FOXC2: variants seen among roughly 807,000 people sequenced by gnomAD.
The protein encoded by FOXC2 is forkhead box C2, also known as forkhead box protein C2.
A neutral mutation model predicts 7.2 loss-of-function variants in FOXC2; 7 were observed. The observed-to-expected ratio is 0.97, with a 90% CI of 0.55 to 1.81. The LOEUF (loss-of-function observed/expected upper bound fraction) is 1.81. Ranked by LOEUF, FOXC2 falls within the 40% of genes most tolerant of loss-of-function variation. The probability of loss-of-function intolerance (pLI) is 0.00; values close to 1 mark genes in which losing one functional copy is unlikely to be tolerated. For missense variants in FOXC2, 846 were observed against 741.2 expected (o/e 1.14, Z -1.64); for synonymous variants, 436 against 350.4 (o/e 1.24, Z -2.73).
chr16:86,568,811 C>T lies in FOXC2; in HGVS notation c.1476C>T (p.Ala492=), dbSNP rs771886777. 4.3e-6 allele frequency: 7 copies of T among 1,612,970 alleles called. No homozygotes were observed. The Admixed American group carries it at 5.0e-5, about 12-fold the overall frequency. ...CGCCGCCTCTCTATCGCCACGCAGCCCCCTACTCCTACGACTGCACGAAAT... is the reference window on the plus strand; with the variant it reads ...CGCCGCCTCTCTATCGCCACGCAGCTCCCTACTCCTACGACTGCACGAAAT... The part of the protein sequence containing the change: ...RSTPPLYRHA[A]PYSYDCTKY The change falls in exon 1 of 1, where the codon GCC becomes GCT. Residue 492 remains alanine, a synonymous_variant. Coordinates refer to ENST00000649859, the MANE Select transcript of FOXC2 (RefSeq NM_005251.3). The surrounding 1 kb of genome is among the most constrained non-coding windows in gnomAD (Gnocchi z 5.2).
In FOXC2 at chr16:86,569,537, A is replaced by G. The variant is rs1325422125; in HGVS notation, c.*696A>G. ...ATAATTTATTTTTTTGTTGGTGGAT[A>G]AAGAAGTCAAGTATCTGATACTTTT... is the stretch of plus-strand genomic sequence containing the variant. On this transcript the variant is annotated 3_prime_UTR_variant, in exon 1 of 1. Transcript: ENST00000649859. 1.8e-5 allele frequency: 3 copies of G among 166,560 alleles called. No homozygotes were observed. Among genetic ancestry groups the G allele is most frequent in the Non-Finnish European group, 4.4e-5 (3 of 68,226 alleles). 10.3% of individuals were successfully genotyped at this position (166,560 alleles called of 1,614,324 possible). A position where few individuals can be genotyped will look rare whatever the true frequency, so the allele number is the denominator to read the frequency against.
Position 86,567,600 on chromosome 16 carries a change from C to T in FOXC2, c.265C>T (p.Pro89Ser), listed in dbSNP as rs1482270020. 2.9e-5 allele frequency: 47 copies of T among 1,614,004 alleles called. No individual in the cohort carries two copies. The highest frequency in any genetic ancestry group is 3.8e-5 in the Non-Finnish European group (45 of 1,180,012). Reference sequence around the variant, plus strand: ...CATCACCATGGCCATCCAGAACGCGCCCGAGAAGAAGATCACCTTGAACGG... The same window carrying T: ...CATCACCATGGCCATCCAGAACGCGTCCGAGAAGAAGATCACCTTGAACGG... ...ALITMAIQNA[P>S]EKKITLNGIY... The change falls in exon 1 of 1, where the codon CCC (proline) becomes TCC (serine). Residue 89 changes from proline to serine, a missense_variant. By Grantham distance (74) the Pro-to-Ser change is moderately conservative (BLOSUM62 -1). Around this residue, in one of 3 missense-constraint regions of FOXC2, gnomAD observed 154 missense variants for 134.2 expected, o/e 1.15. Coordinates refer to ENST00000649859, the MANE Select transcript of FOXC2 (RefSeq NM_005251.3).
rs752592638 is a variant in FOXC2, at chr16:86,568,318, G to A, written c.983G>A (p.Gly328Asp). Residue 328 changes from glycine (G) to aspartate (D), a missense_variant, in exon 1 of 1, where the codon GGC becomes GAC. Gly to Asp is a moderately conservative substitution (Grantham distance 94). Transcript: ENST00000649859. This position sits in a 1 kb window ranked among gnomAD's most constrained non-coding sequence, Gnocchi z 5.2. ...GGCCTGGAGGCCGGGGCCGCCGGGG[G>A]CTACCAGTGCAGCATGCGAGCGATG... ...AQGLEAGAAG[G>D]YQCSMRAMSL... 4.7e-6 allele frequency: 6 copies of A among 1,286,872 alleles called. No individual in the cohort carries two copies. The Admixed American group carries it at 1.9e-4, about 40-fold the overall frequency. 79.7% of individuals were successfully genotyped at this position (1,286,872 alleles called of 1,614,324 possible).
In FOXC2 at chr16:86,567,925, C is replaced by A. The variant is rs1039275268; in HGVS notation, c.590C>A (p.Thr197Asn). 3.2e-6 allele frequency: 5 copies of A among 1,568,180 alleles called. No individual in the cohort carries two copies. In the South Asian group the frequency reaches 3.5e-5, roughly 11 times the overall value. ...PPAASKGAPATPHLADAPKEA... is the reference protein window; with the variant it reads ...PPAASKGAPANPHLADAPKEA... Reference sequence around the variant, plus strand: ...GCGGCGTCCAAGGGCGCCCCGGCCACCCCCCACCTAGCGGACGCCCCCAAG... The same window carrying A: ...GCGGCGTCCAAGGGCGCCCCGGCCAACCCCCACCTAGCGGACGCCCCCAAG... The change falls in exon 1 of 1, where the codon ACC (threonine) becomes AAC (asparagine). Residue 197 changes from threonine (T) to asparagine (N), a missense_variant. By Grantham distance (65) the Thr-to-Asn change is moderately conservative. This residue lies in a region of FOXC2 where 640 missense variants were observed against 503.2 expected (regional missense o/e 1.27). Transcript: ENST00000649859.
In FOXC2 at chr16:86,567,994, C is replaced by T; in HGVS notation, c.659C>T (p.Pro220Leu). 3 of 1,498,828 alleles carry T rather than the reference C, an allele frequency of 2.0e-6. No individual in the cohort carries two copies. Among genetic ancestry groups the T allele is most frequent in the Non-Finnish European group, 1.8e-6 (2 of 1,137,626 alleles). The allele number at this position is 1,498,828 out of a possible 1,614,324, so 92.8% of individuals were successfully genotyped here. The change falls in exon 1 of 1, where the codon CCG becomes CTG. Residue 220 changes from proline to leucine, a missense_variant. Coordinates refer to ENST00000649859, the MANE Select transcript of FOXC2 (RefSeq NM_005251.3). ...KVVIKSEAAS[P>L]ALPVITKVET... is the part of the protein sequence containing the mutation. ...GTGATCAAGAGCGAGGCGGCGTCCC[C>T]GGCGCTGCCGGTCATCACCAAGGTG...
chr16:86,569,142 C>G lies in FOXC2; in HGVS notation c.*301C>G. 3 of 510,510 alleles carry G rather than the reference C, an allele frequency of 5.9e-6. No homozygotes were observed. Among genetic ancestry groups the G allele is most frequent in the African/African-American group, 1.9e-5 (1 of 51,722 alleles). 31.6% of individuals were successfully genotyped at this position (510,510 alleles called of 1,614,324 possible). On this transcript the variant is annotated 3_prime_UTR_variant, in exon 1 of 1. Coordinates refer to ENST00000649859, the MANE Select transcript of FOXC2 (RefSeq NM_005251.3). ...CCCCTACCAGGACGGCTGTGCTGTG[C>G]TCGACCTGAGCTTTCAAAAGTTAAG...
chr16:86,568,371 G>A lies in FOXC2; in HGVS notation c.1036G>A (p.Ala346Thr). 2 of 1,381,896 alleles carry A rather than the reference G, an allele frequency of 1.4e-6. No individual in the cohort carries two copies. The highest frequency in any genetic ancestry group is 3.1e-5 in the East Asian group (1 of 32,410). 85.6% of individuals were successfully genotyped at this position (1,381,896 alleles called of 1,614,324 possible). ...CCTGTACACCGGGGCCGAGCGGCCG[G>A]CGCACATGTGCGTCCCGCCCGCCCT... is the stretch of plus-strand genomic sequence containing the variant. ...MSLYTGAERP[A>T]HMCVPPALDE... is the part of the protein sequence containing the mutation. The change falls in exon 1 of 1, where the codon GCG becomes ACG. Residue 346 changes from alanine (A) to threonine (T), a missense_variant. Ala to Thr is a moderately conservative substitution (Grantham distance 58, BLOSUM62 0). This residue lies in a region of FOXC2 where 640 missense variants were observed against 503.2 expected (regional missense o/e 1.27). Coordinates refer to ENST00000649859, the MANE Select transcript of FOXC2 (RefSeq NM_005251.3). The surrounding 1 kb of genome is among the most constrained non-coding windows in gnomAD (Gnocchi z 5.2).
Position 86,568,647 on chromosome 16 carries a change from C to T in FOXC2, c.1312C>T (p.His438Tyr), listed in dbSNP as rs1324719876. 3 of 1,612,766 alleles carry T rather than the reference C, an allele frequency of 1.9e-6. No individual in the cohort carries two copies. Among genetic ancestry groups the T allele is most frequent in the Non-Finnish European group, 2.5e-6 (3 of 1,180,004 alleles). ...CGGGGACCTGAACCACCTCCCCGGC[C>T]ACACGTTCGCGGCCCAGCAGCAAAC... is the stretch of plus-strand genomic sequence containing the variant. ...HSGDLNHLPG[H>Y]TFAAQQQTFP... The change falls in exon 1 of 1, where the codon CAC becomes TAC. Residue 438 changes from histidine to tyrosine, a missense_variant. His to Tyr is a moderately conservative substitution (Grantham distance 83). Coordinates refer to ENST00000649859, the MANE Select transcript of FOXC2 (RefSeq NM_005251.3). The surrounding 1 kb of genome is among the most constrained non-coding windows in gnomAD (Gnocchi z 5.2).
Position 86,568,339 on chromosome 16 carries a change from C to T in FOXC2, c.1004C>T (p.Ala335Val). 2.3e-6 allele frequency: 3 copies of T among 1,333,134 alleles called. No individual in the cohort carries two copies. Among genetic ancestry groups the T allele is most frequent in the South Asian group, 1.9e-5 (1 of 52,348 alleles). The allele number at this position is 1,333,134 out of a possible 1,614,324, so 82.6% of individuals were successfully genotyped here. Reference protein sequence around the residue: ...AAGGYQCSMRAMSLYTGAERP... With the variant: ...AAGGYQCSMRVMSLYTGAERP... ...GGGGGCTACCAGTGCAGCATGCGAG[C>T]GATGAGCCTGTACACCGGGGCCGAG... Residue 335 changes from alanine (A) to valine (V), a missense_variant, in exon 1 of 1, where the codon GCG becomes GTG. Ala to Val is a moderately conservative substitution (Grantham distance 64). This residue lies in a region of FOXC2 where 640 missense variants were observed against 503.2 expected (regional missense o/e 1.27). Transcript: ENST00000649859. The surrounding 1 kb of genome is among the most constrained non-coding windows in gnomAD (Gnocchi z 5.2).
Position 86,567,797 on chromosome 16 carries a change from C to T in FOXC2, c.462C>T (p.Asn154=). 1.9e-6 allele frequency: 3 copies of T among 1,614,092 alleles called. No homozygotes were observed. Among genetic ancestry groups the T allele is most frequent in the East Asian group, 4.5e-5 (2 of 44,850 alleles). ...SYWTLDPDSY[N]MFENGSFLRR... is the part of the protein sequence containing the mutation. ...GGACCCTGGACCCGGACTCCTACAA[C>T]ATGTTCGAGAACGGCAGCTTCCTGC... The change falls in exon 1 of 1, where the codon AAC becomes AAT. Residue 154 remains asparagine (N), a synonymous_variant. Coordinates refer to ENST00000649859, the MANE Select transcript of FOXC2 (RefSeq NM_005251.3).
Position 86,568,383 on chromosome 16 carries a change from G to A in FOXC2, c.1048G>A (p.Val350Ile), listed in dbSNP as rs1193581033. 1.4e-6 allele frequency: 2 copies of A among 1,386,494 alleles called. No homozygotes were observed. Among genetic ancestry groups the A allele is most frequent in the Middle Eastern group, 2.4e-4 (1 of 4,238 alleles). 85.9% of individuals were successfully genotyped at this position (1,386,494 alleles called of 1,614,324 possible). The change falls in exon 1 of 1, where the codon GTC becomes ATC. Residue 350 changes from valine to isoleucine, a missense_variant. Coordinates refer to ENST00000649859, the MANE Select transcript of FOXC2 (RefSeq NM_005251.3). This position sits in a 1 kb window ranked among gnomAD's most constrained non-coding sequence, Gnocchi z 5.2. ...TGAERPAHMC[V>I]PPALDEALSD... Reference sequence around the variant, plus strand: ...GGCCGAGCGGCCGGCGCACATGTGCGTCCCGCCCGCCCTGGACGAGGCCCT... The same window carrying A: ...GGCCGAGCGGCCGGCGCACATGTGCATCCCGCCCGCCCTGGACGAGGCCCT...
chr16:86,568,897 C>A lies in FOXC2; in HGVS notation c.*56C>A, dbSNP rs1974243708. On this transcript the variant is annotated 3_prime_UTR_variant, in exon 1 of 1. Coordinates refer to ENST00000649859, the MANE Select transcript of FOXC2 (RefSeq NM_005251.3). This position sits in a 1 kb window ranked among gnomAD's most constrained non-coding sequence, Gnocchi z 5.2. ...CTCCGGCTTCGCTTCCCAGCCCCGA[C>A]CCAACCAGACAATTAAGGGGCTGCA... is the stretch of plus-strand genomic sequence containing the variant. 2.5e-6 allele frequency: 4 copies of A among 1,603,622 alleles called. No individual in the cohort carries two copies. The highest frequency in any genetic ancestry group is 3.4e-6 in the Non-Finnish European group (4 of 1,174,072).
Position 86,569,038 on chromosome 16 carries a change from G to C in FOXC2, c.*197G>C. 1.5e-6 allele frequency: 1 copy of C among 689,196 alleles called. No homozygotes were observed. Among genetic ancestry groups the C allele is most frequent in the Non-Finnish European group, 2.5e-6 (1 of 402,510 alleles). 42.7% of individuals were successfully genotyped at this position (689,196 alleles called of 1,614,324 possible). A position where few individuals can be genotyped will look rare whatever the true frequency, so the allele number is the denominator to read the frequency against. ...AGAGCGCAGGTAACTTTAATTCGCC[G>C]CCCCGTTTCTGGGATCCCAGGAAAC... On this transcript the variant is annotated 3_prime_UTR_variant, in exon 1 of 1. Coordinates refer to ENST00000649859, the MANE Select transcript of FOXC2 (RefSeq NM_005251.3).
Position 86,569,269 on chromosome 16 carries a change from T to C in FOXC2, c.*428T>C, listed in dbSNP as rs1266774386. The C allele has an allele frequency of 9.8e-6, 2 of 204,012 alleles. No homozygotes were observed. The highest frequency in any genetic ancestry group is 4.7e-5 in the African/African-American group (2 of 42,864). 12.6% of individuals were successfully genotyped at this position (204,012 alleles called of 1,614,324 possible). On this transcript the variant is annotated 3_prime_UTR_variant, in exon 1 of 1. Transcript: ENST00000649859. ...ATAATATATGTGCTGTGTGTAATTT[T>C]AAATTTCTCCAACCGTGCTGTACAA...
In FOXC2 at chr16:86,568,298, G is replaced by T; in HGVS notation, c.963G>T (p.Leu321=). ...AAYGQPCAQG[L]EAGAAGGYQC... Reference sequence around the variant, plus strand: ...ACGGCCAGCCGTGCGCTCAGGGCCTGGAGGCCGGGGCCGCCGGGGGCTACC... The same window carrying T: ...ACGGCCAGCCGTGCGCTCAGGGCCTTGAGGCCGGGGCCGCCGGGGGCTACC... Residue 321 remains leucine, a synonymous_variant, in exon 1 of 1, where the codon CTG becomes CTT. Transcript: ENST00000649859. The surrounding 1 kb of genome is among the most constrained non-coding windows in gnomAD (Gnocchi z 5.2). The T allele has an allele frequency of 7.9e-7, 1 of 1,268,258 alleles. No homozygotes were observed. Among genetic ancestry groups the T allele is most frequent in the Non-Finnish European group, 9.9e-7 (1 of 1,007,174 alleles). 78.6% of individuals were successfully genotyped at this position (1,268,258 alleles called of 1,614,324 possible).
In FOXC2 at chr16:86,569,225, T is replaced by A. The variant is rs1974249453; in HGVS notation, c.*384T>A. 2.1e-5 allele frequency: 7 copies of A among 341,242 alleles called. No homozygotes were observed. Among genetic ancestry groups the A allele is most frequent in the South Asian group, 1.6e-4 (5 of 30,448 alleles). 21.1% of individuals were successfully genotyped at this position (341,242 alleles called of 1,614,324 possible). A position where few individuals can be genotyped will look rare whatever the true frequency, so the allele number is the denominator to read the frequency against. On this transcript the variant is annotated 3_prime_UTR_variant, in exon 1 of 1. Transcript: ENST00000649859. ...GACTTTCTGTAGGGGTCCCCATAGG[T>A]GTATGGGGGTCTCTATAGATAATAT...
chr16:86,567,096 G>C lies in FOXC2; in HGVS notation c.-240G>C, dbSNP rs989217147. 2.7e-5 allele frequency among the ~76,000 whole-genome samples: 4 copies of C among 150,418 alleles called. No homozygotes were observed. The highest frequency in any genetic ancestry group is 2.7e-4 in the Admixed American group (4 of 15,092). The stretch of plus-strand genomic sequence containing the variant: ...AGCGGGGCCGGCGCTGCGCTTGCCC[G>C]GGGCGCGCCCTCCAGGATGCCGATC... On this transcript the variant is annotated 5_prime_UTR_variant, in exon 1 of 1. Coordinates refer to ENST00000649859, the MANE Select transcript of FOXC2 (RefSeq NM_005251.3).
Position 86,568,661 on chromosome 16 carries a change from C to A in FOXC2, c.1326C>A (p.Ala442=). The change falls in exon 1 of 1, where the codon GCC becomes GCA. Residue 442 remains alanine (A), a synonymous_variant. Coordinates refer to ENST00000649859, the MANE Select transcript of FOXC2 (RefSeq NM_005251.3). This position sits in a 1 kb window ranked among gnomAD's most constrained non-coding sequence, Gnocchi z 5.2. ...ACCTCCCCGGCCACACGTTCGCGGC[C>A]CAGCAGCAAACTTTCCCCAACGTGC... ...LNHLPGHTFA[A]QQQTFPNVRE... is the part of the protein sequence containing the mutation. 6.2e-7 allele frequency: 1 copy of A among 1,612,850 alleles called. No individual in the cohort carries two copies. Among genetic ancestry groups the A allele is most frequent in the Non-Finnish European group, 8.5e-7 (1 of 1,180,008 alleles).
chr16:86,568,601 C>T lies in FOXC2; in HGVS notation c.1266C>T (p.Ala422=). 1 of 1,609,362 alleles carries T rather than the reference C, an allele frequency of 6.2e-7. No homozygotes were observed. The highest frequency in any genetic ancestry group is 8.5e-7 in the Non-Finnish European group (1 of 1,178,212). ...PQPGAAAAQA[A]SWYLNHSGDL... is the part of the protein sequence containing the mutation. Reference sequence around the variant, plus strand: ...CCGGGGCCGCCGCGGCGCAGGCGGCCTCCTGGTATCTCAACCACAGCGGGG... The same window carrying T: ...CCGGGGCCGCCGCGGCGCAGGCGGCTTCCTGGTATCTCAACCACAGCGGGG... The change falls in exon 1 of 1, where the codon GCC becomes GCT. Residue 422 remains alanine, a synonymous_variant. Transcript: ENST00000649859. This position sits in a 1 kb window ranked among gnomAD's most constrained non-coding sequence, Gnocchi z 5.2.
Sources: gnomAD v4.1 joint callset for allele counts (sites outside exome capture counted in the v4.1 genomes callset) on GRCh38, gnomAD v4.1.1 for gene constraint, gnomAD v4.1.1 regional missense constraint, Gnocchi (gnomAD v3.1) non-coding constraint, MANE v1.5 for transcripts, NCBI Gene and HGNC (gene_info 2026-07-23, HGNC 2026-07-21) for gene names.